CPXM2: variants seen among roughly 807,000 people sequenced by gnomAD.
CPXM2 encodes carboxypeptidase X, M14 family member 2, also known as inactive carboxypeptidase-like protein X2.
CPXM2 carries 66 observed loss-of-function variants against 86.1 expected under a neutral mutation model. The observed-to-expected ratio is 0.77, with a 90% CI of 0.63 to 0.94. The LOEUF is 0.94. Among genes scored for constraint, CPXM2 ranks in the 40% least tolerant of loss-of-function variants. CPXM2 has a pLI of 0.00. For missense variants in CPXM2, 948 were observed against 1,026.3 expected, an observed-to-expected ratio of 0.92 and a Z score of 1.04; for synonymous variants, 388 against 400.2, an observed-to-expected ratio of 0.97 and a Z score of 0.36.
chr10:123,842,302 C>G (rs1848402366), intron 4 of CPXM2, 47 bp downstream of exon 4: 3 of 1,610,078 alleles, frequency 1.9e-6, no homozygotes, highest in Non-Finnish European at 1.7e-6. Flanking sequence ...CCCTCAAAAG[C>G]TAGACCCAAA....
intron 2 of CPXM2, among the ~76,000 whole-genome samples, chr10:123,914,773 A>T (rs1945521325): frequency 6.6e-6 from 1 of 152,082 alleles, no homozygotes; most frequent in Admixed American, 6.6e-5. Flanking sequence ...TCAGGCCAGC[A>T]CTATCTTCAA....
At chr10:123,923,645 A>G (rs1482669072) in intron 2 of CPXM2, among the ~76,000 whole-genome samples, 1 of 152,136 alleles carries the variant, frequency 6.6e-6, no homozygotes, top group African/African-American at 2.4e-5. Context: ...AAATTGGATG[A>G]TAAGGTTTGG....
chr10:123,766,858 C>T lies in CPXM2; in HGVS notation c.1479+115G>A, dbSNP rs1446382488. 4 of 811,314 alleles carry T rather than the reference C, an allele frequency of 4.9e-6. No individual in the cohort carries two copies. In the South Asian group the frequency reaches 6.9e-5, roughly 14 times the overall value. The allele number at this position is 811,314 out of a possible 1,614,324, so 50.3% of individuals were successfully genotyped here. A position where few individuals can be genotyped will look rare whatever the true frequency, so the allele number is the denominator to read the frequency against. On this transcript the variant is annotated intron_variant, in intron 10 of 13. Coordinates refer to ENST00000241305, the MANE Select transcript of CPXM2 (RefSeq NM_198148.3). ...CATACTTCTCTGCTTTTGGAGAAAA[C>T]ATGAAAGAAAAAAACAGTTTTGTCT...
At chr10:123,886,360 A>T (rs1223127233) in intron 1 of CPXM2, among the ~76,000 whole-genome samples, 2 of 152,214 alleles carry the variant, frequency 1.3e-5, no homozygotes, top group East Asian at 3.9e-4. Context: ...TGAAAAGAGA[A>T]GGAAAGCTTA....
At chr10:123,914,858 C>T (rs1012563496) in intron 2 of CPXM2, among the ~76,000 whole-genome samples, 2 of 152,202 alleles carry the variant, frequency 1.3e-5, no homozygotes, top group Non-Finnish European at 2.9e-5. Context: ...ATTTGATTAA[C>T]GGCCTCCTAA....
rs191333956 is a variant in CPXM2, at chr10:123,843,881, A to T, written c.514-1393T>A. ...GACATGTACCCTATAGAATCATGGAAACTGGAAGGAACTGTCCATCAAAGA... is the reference window on the plus strand; with the variant it reads ...GACATGTACCCTATAGAATCATGGATACTGGAAGGAACTGTCCATCAAAGA... On this transcript the variant is annotated intron_variant, in intron 3 of 13. Coordinates refer to ENST00000241305, the MANE Select transcript of CPXM2 (RefSeq NM_198148.3). 2.5e-3 allele frequency among the ~76,000 whole-genome samples: 383 copies of T among 152,324 alleles called. 2 individuals carry two copies. Among genetic ancestry groups the T allele is most frequent in the Admixed American group, 8.2e-3 (126 of 15,310 alleles).
intron 13 of CPXM2, among the ~76,000 whole-genome samples, chr10:123,753,630 G>C (rs1846130026): frequency 6.6e-6 from 1 of 152,230 alleles, no homozygotes; most frequent in Admixed American, 6.5e-5. Context: ...GATCGTGTGG[G>C]GAACAGCTCC....
At chr10:123,831,593 C>T (rs1018734404) in intron 4 of CPXM2, among the ~76,000 whole-genome samples, 5 of 152,126 alleles carry the variant, frequency 3.3e-5, no homozygotes, top group African/African-American at 1.2e-4. Context: ...AAAATCAGGG[C>T]TGCATTCCTC....
At chr10:123,820,422 T>G (rs2134110865) in intron 4 of CPXM2, among the ~76,000 whole-genome samples, 1 of 152,324 alleles carries the variant, frequency 6.6e-6, no homozygotes, top group Admixed American at 6.5e-5. Context: ...TTCCTGCCCC[T>G]AAACTCACTG....
At chr10:123,807,394 G>A (rs546255479) in intron 4 of CPXM2, among the ~76,000 whole-genome samples, 130 of 152,316 alleles carry the variant, frequency 8.5e-4, no homozygotes, top group African/African-American at 3.0e-3. Flanking sequence ...GTATGATGTT[G>A]TGGGAGGACT....
chr10:123,931,267 A>G (rs1350747898), intron 2 of CPXM2, among the ~76,000 whole-genome samples: 1 of 152,198 alleles, frequency 6.6e-6, no homozygotes, highest in Non-Finnish European at 1.5e-5. Context: ...CTGGACACTG[A>G]GGCTCAGGTA....
At chr10:123,876,735 CCT>C (rs1944994508) in intron 2 of CPXM2, among the ~76,000 whole-genome samples, 2 of 152,082 alleles carry the variant, frequency 1.3e-5, no homozygotes, top group Admixed American at 6.6e-5. Flanking sequence ...TTTGCCAGCC[CCT>C]GTTCTAAGGC....
At position 123,852,312 on chromosome 10, in the gene CPXM2, C is replaced by T. The variant is rs181572842; in HGVS notation, c.514-9824G>A. Reference sequence around the variant, plus strand: ...TCAGAGTTGCAGGTTAAAAAGCATGCCCGACTCCCTTCTATTCTCTTGCAT... The same window carrying T: ...TCAGAGTTGCAGGTTAAAAAGCATGTCCGACTCCCTTCTATTCTCTTGCAT... On this transcript the variant is annotated intron_variant, in intron 3 of 13. Coordinates refer to ENST00000241305, the MANE Select transcript of CPXM2 (RefSeq NM_198148.3). Among the ~76,000 whole-genome samples, 15 of 152,262 alleles carry T rather than the reference C, an allele frequency of 9.9e-5. No individual in the cohort carries two copies. In the South Asian group the frequency reaches 1.0e-3, roughly 11 times the overall value.
chr10:123,891,250 G>GGGACT lies in CPXM2; in HGVS notation c.304+101_304+105dup. The GGGACT allele has an allele frequency of 1.0e-6, 1 of 971,578 alleles. No homozygotes were observed. Among genetic ancestry groups the GGGACT allele is most frequent in the Non-Finnish European group, 1.5e-6 (1 of 681,284 alleles). 60.2% of individuals were successfully genotyped at this position (971,578 alleles called of 1,614,324 possible). ...CAGAGGCGGCAACAGGGAGATTCCC[G>GGGACT]GGACTGGCCCATCCCAGACACACAC... On this transcript the variant is annotated intron_variant, in intron 1 of 13. Transcript: ENST00000241305. This position sits in a 1 kb window ranked among gnomAD's most constrained non-coding sequence, Gnocchi z 5.6.
intron 7 of CPXM2, among the ~76,000 whole-genome samples, chr10:123,778,484 G>C (rs1846855200): frequency 6.6e-6 from 1 of 152,146 alleles, no homozygotes; most frequent in African/African-American, 2.4e-5. Flanking sequence ...ACCCAAGGGG[G>C]CTGCACTGAT....
intron 2 of CPXM2, among the ~76,000 whole-genome samples, chr10:123,877,033 A>C (rs61183364): frequency 0.011 from 1,746 of 152,258 alleles, 38 homozygotes; most frequent in African/African-American, 0.039. Context: ...CCAATTCCCT[A>C]TAGAGAGAAC....
chr10:123,790,182 G>A (rs921781665), intron 6 of CPXM2, among the ~76,000 whole-genome samples: 1 of 152,174 alleles, frequency 6.6e-6, no homozygotes, highest in East Asian at 1.9e-4. Flanking sequence ...GGCGGGAAAG[G>A]TGGTTACAGA....
chr10:123,907,743 G>A (rs1590116451), intron 2 of CPXM2, among the ~76,000 whole-genome samples: 1 of 151,982 alleles, frequency 6.6e-6, no homozygotes. Context: ...TTGGTGCCAA[G>A]AAAGGGACTG....
chr10:123,801,527 T>C (rs1288064886), intron 4 of CPXM2, among the ~76,000 whole-genome samples: 1 of 152,076 alleles, frequency 6.6e-6, no homozygotes, highest in Non-Finnish European at 1.5e-5. Flanking sequence ...TCTCTCCACC[T>C]CCCCTGCCAC....
Sources: gnomAD v4.1 joint callset for allele counts (sites outside exome capture counted in the v4.1 genomes callset) on GRCh38, gnomAD v4.1.1 for gene constraint, Gnocchi (gnomAD v3.1) non-coding constraint, MANE v1.5 for transcripts, NCBI Gene and HGNC (gene_info 2026-07-23, HGNC 2026-07-21) for gene names.